TRDN: variants seen among roughly 807,000 people sequenced by gnomAD.
TRDN encodes the protein triadin in skeletal muscle.
In TRDN, 161 loss-of-function variants were observed where a neutral mutation model predicts 149.7. That is an observed-to-expected ratio of 1.08 (90% CI 0.95 to 1.23). The LOEUF (loss-of-function observed/expected upper bound fraction) is 1.23. TRDN is among the 50% of genes most tolerant of loss of function. The pLI is 0.00. For missense variants in TRDN, 896 were observed against 823.5 expected (o/e 1.09, Z -1.08); for synonymous variants, 294 against 250.5 (o/e 1.17, Z -1.64).
chr6:123,331,228 A>G (rs1225401287), intron 23 of TRDN, among the ~76,000 whole-genome samples: 1 of 152,086 alleles, frequency 6.6e-6, no homozygotes. Context: ...AGGGAACATA[A>G]TTTGATGTAT....
chr6:123,371,484 G>A (rs1172803203), intron 19 of TRDN, among the ~76,000 whole-genome samples: 1 of 152,034 alleles, frequency 6.6e-6, no homozygotes, highest in Non-Finnish European at 1.5e-5. Flanking sequence ...TAACACTTAG[G>A]ACACATAGTC....
At chr6:123,466,652 C>T (rs1776836228) in intron 9 of TRDN, among the ~76,000 whole-genome samples, 2 of 151,694 alleles carry the variant, frequency 1.3e-5, no homozygotes, top group African/African-American at 4.8e-5. Flanking sequence ...AAGATCTATT[C>T]CCCAACCTTG....
At chr6:123,602,801 A>G (rs941897702) in intron 1 of TRDN, among the ~76,000 whole-genome samples, 1 of 152,088 alleles carries the variant, frequency 6.6e-6, no homozygotes, top group African/African-American at 2.4e-5. Flanking sequence ...TTATTTCCAT[A>G]TGTCAGTGGA....
At chr6:123,607,442 A>G (rs952945541) in intron 1 of TRDN, among the ~76,000 whole-genome samples, 1 of 152,180 alleles carries the variant, frequency 6.6e-6, no homozygotes, top group Non-Finnish European at 1.5e-5. Flanking sequence ...TACTTTCTCT[A>G]TATATACAGA....
At chr6:123,440,926 T>C (rs897951375) in intron 10 of TRDN, 11 of 152,214 alleles carry the variant, frequency 7.2e-5, no homozygotes, top group Admixed American at 2.6e-4. Context: ...AATGCTCCTA[T>C]TATACACTCT....
chr6:123,442,477 C>T (rs929746803), intron 10 of TRDN, among the ~76,000 whole-genome samples: 7 of 109,284 alleles, frequency 6.4e-5, no homozygotes, highest in Admixed American at 1.8e-4. Context: ...ACCCTGGAGG[C>T]GGAGCTTGCA....
intron 24 of TRDN, among the ~76,000 whole-genome samples, chr6:123,304,611 T>A (rs192622583): frequency 2.0e-5 from 3 of 152,296 alleles, no homozygotes; most frequent in African/African-American, 7.2e-5. Flanking sequence ...AAGTTTTTTT[T>A]ATAAACATGT....
chr6:123,542,968 A>G (rs1780926371), intron 4 of TRDN, among the ~76,000 whole-genome samples: 1 of 151,994 alleles, frequency 6.6e-6, no homozygotes, highest in South Asian at 2.1e-4. Context: ...ATTAAAATTT[A>G]TATTTCTAAA....
chr6:123,583,984 G>A (rs1214608563), intron 1 of TRDN: 1 of 197,294 alleles, frequency 5.1e-6, no homozygotes, highest in Admixed American at 5.6e-5. Context: ...ATAGTGGCTT[G>A]TACTATAGCA....
intron 23 of TRDN, among the ~76,000 whole-genome samples, chr6:123,321,899 A>G (rs1779256680): frequency 2.0e-5 from 3 of 152,012 alleles, no homozygotes. Flanking sequence ...TTTGAGTTTG[A>G]TTTTGAACTT....
intron 1 of TRDN, among the ~76,000 whole-genome samples, chr6:123,628,912 A>T (rs898787477): frequency 6.6e-6 from 1 of 152,082 alleles, no homozygotes; most frequent in African/African-American, 2.4e-5. Flanking sequence ...AGAATCTAAA[A>T]TTTTGTTATA....
chr6:123,322,370 T>C (rs1779272803), intron 23 of TRDN, among the ~76,000 whole-genome samples: 2 of 152,164 alleles, frequency 1.3e-5, no homozygotes, highest in Non-Finnish European at 2.9e-5. Flanking sequence ...AATAATCTAA[T>C]ATGTGATCTC....
chr6:123,503,287 T>C, intron 8 of TRDN: 1 of 985,350 alleles, frequency 1.0e-6, no homozygotes, highest in South Asian at 4.7e-5. Context: ...ATAGTTTTTA[T>C]GATATTTACT....
intron 24 of TRDN, among the ~76,000 whole-genome samples, chr6:123,281,186 CT>C (rs1030373909): frequency 1.3e-5 from 2 of 152,008 alleles, no homozygotes; most frequent in African/African-American, 4.8e-5. Context: ...AATACTTACT[CT>C]GTTTAAGAGA....
At position 123,417,152 on chromosome 6, in the gene TRDN, C is replaced by T. The variant is rs573348519; in HGVS notation, c.1051+20911G>A. Among the ~76,000 whole-genome samples the T allele has an allele frequency of 8.5e-5, 13 of 152,290 alleles. No homozygotes were observed. The South Asian group carries it at 1.0e-3, about 12-fold the overall frequency. ...CTCAAGAATGAGGATTTGCATACCA[C>T]CAAGGTCACTCTCAGTCCTGCATCT... is the stretch of plus-strand genomic sequence containing the variant. On this transcript the variant is annotated intron_variant, in intron 12 of 40. Coordinates refer to ENST00000334268, the MANE Select transcript of TRDN (RefSeq NM_006073.4).
At chr6:123,266,080 TTA>T (rs946298371) in intron 32 of TRDN, among the ~76,000 whole-genome samples, 13 of 131,468 alleles carry the variant, frequency 9.9e-5, no homozygotes, top group African/African-American at 2.9e-4. Flanking sequence ...CATTTTGTGT[TTA>T]TATATATTAT....
At chr6:123,585,338 G>T (rs898955679) in intron 1 of TRDN, among the ~76,000 whole-genome samples, 2 of 151,988 alleles carry the variant, frequency 1.3e-5, no homozygotes, top group Non-Finnish European at 2.9e-5. Flanking sequence ...TGGCACCAGA[G>T]TTGGGGACTT....
chr6:123,601,363 C>T lies in TRDN; in HGVS notation c.23-30231G>A, dbSNP rs543136847. 2.6e-5 allele frequency among the ~76,000 whole-genome samples: 4 copies of T among 152,222 alleles called. No individual in the cohort carries two copies. In the East Asian group the frequency reaches 7.7e-4, roughly 29 times the overall value. ...AAAGAAACTCAGAGTGATATGTTGT[C>T]ATCAACACCTTTTGTTCACCCCTGT... On this transcript the variant is annotated intron_variant, in intron 1 of 40. Transcript: ENST00000334268.
intron 4 of TRDN, among the ~76,000 whole-genome samples, chr6:123,543,146 G>A (rs973192926): frequency 6.6e-6 from 1 of 151,802 alleles, no homozygotes; most frequent in Non-Finnish European, 1.5e-5. Flanking sequence ...TTTAACTGTG[G>A]TATTTGCAGG....
Sources: gnomAD v4.1 joint callset for allele counts (sites outside exome capture counted in the v4.1 genomes callset) on GRCh38, gnomAD v4.1.1 for gene constraint, MANE v1.5 for transcripts, NCBI Gene and HGNC (gene_info 2026-07-23, HGNC 2026-07-21) for gene names.